Variants in SGCZ observed in about 807,000 individuals in gnomAD.
The protein encoded by SGCZ is zeta-sarcoglycan.
Under a neutral mutation model 41.3 loss-of-function variants are expected in SGCZ, and 40 were observed. The ratio of observed to expected loss-of-function variants is 0.97; its 90% confidence interval spans 0.75 to 1.26. The LOEUF (loss-of-function observed/expected upper bound fraction) is 1.26. Ranked by LOEUF, SGCZ falls within the 50% of genes most tolerant of loss-of-function variation. The pLI, the probability that SGCZ is intolerant of heterozygous loss-of-function variation, is 0.00. For synonymous variants in SGCZ, 206 were observed against 137.5 expected, an observed-to-expected ratio of 1.50 and a Z score of -3.49; for missense variants, 552 against 369.8, an observed-to-expected ratio of 1.49 and a Z score of -4.04.
intron 2 of SGCZ, among the ~76,000 whole-genome samples, chr8:14,536,222 G>T (rs934774498): frequency 6.6e-6 from 1 of 151,814 alleles, no homozygotes; most frequent in Non-Finnish European, 1.5e-5. Context: ...CAAGGATGCT[G>T]TGTCAAATAT....
At chr8:14,860,126 T>C (rs968106642) in intron 1 of SGCZ, among the ~76,000 whole-genome samples, 1 of 151,860 alleles carries the variant, frequency 6.6e-6, no homozygotes, top group African/African-American at 2.4e-5. Flanking sequence ...GTGGTACACA[T>C]ACAGAAATTA....
chr8:14,866,720 G>A (rs1029335313), intron 1 of SGCZ, among the ~76,000 whole-genome samples: 3 of 151,972 alleles, frequency 2.0e-5, no homozygotes, highest in Non-Finnish European at 4.4e-5. Flanking sequence ...TGAGGTGGGA[G>A]GATAGCCTGA....
At chr8:15,132,271 T>A (rs769182699) in intron 1 of SGCZ, among the ~76,000 whole-genome samples, 14 of 152,168 alleles carry the variant, frequency 9.2e-5, no homozygotes, top group Non-Finnish European at 4.4e-5. Flanking sequence ...ACCCGCAGCA[T>A]CATAATCTTT....
chr8:14,716,477 C>A (rs550437134), intron 1 of SGCZ, among the ~76,000 whole-genome samples: 20 of 151,954 alleles, frequency 1.3e-4, no homozygotes, highest in African/African-American at 4.6e-4. Context: ...TTTTGGGGGA[C>A]CTGCAAAACC....
chr8:14,653,505 G>T (rs892383277), intron 1 of SGCZ, among the ~76,000 whole-genome samples: 12 of 151,954 alleles, frequency 7.9e-5, no homozygotes, highest in Admixed American at 7.9e-4. Flanking sequence ...ATTCAGTAGC[G>T]CTGCATTACA....
rs536191677 is a variant in SGCZ at position 14,806,202 on chromosome 8, C to A, written c.40-251276G>T. The stretch of plus-strand genomic sequence containing the variant: ...AAGCAAGAGCAAACACATTCAAAAG[C>A]TAGCAGAAGGCAAGAAATAACTAAA... On this transcript the variant is annotated intron_variant, in intron 1 of 7. Transcript: ENST00000382080. Among the ~76,000 whole-genome samples, 5 of 151,892 alleles carry A rather than the reference C, an allele frequency of 3.3e-5. No individual in the cohort carries two copies. The East Asian group carries it at 9.7e-4, about 29-fold the overall frequency.
At chr8:14,743,678 C>G (rs940163721) in intron 1 of SGCZ, among the ~76,000 whole-genome samples, 2 of 151,906 alleles carry the variant, frequency 1.3e-5, no homozygotes, top group African/African-American at 2.4e-5. Flanking sequence ...TTTGCTCTCC[C>G]CCGCCCGACA....
At position 14,086,030 on chromosome 8, in the gene SGCZ, G is replaced by A. The variant is rs1481636528; in HGVS notation, c.*4413C>T. ...ATGATTATTTAAAATGAATACAAAT[G>A]CAAATTTCCTTTGTGATAATGATAT... On this transcript the variant is annotated 3_prime_UTR_variant, in exon 8 of 8. Transcript: ENST00000382080. Among the ~76,000 whole-genome samples, 3 of 151,620 alleles carry A rather than the reference G, an allele frequency of 2.0e-5. No homozygotes were observed. Among genetic ancestry groups the A allele is most frequent in the Non-Finnish European group, 4.4e-5 (3 of 67,738 alleles).
intron 1 of SGCZ, among the ~76,000 whole-genome samples, chr8:14,999,218 T>G (rs1359098057): frequency 1.3e-5 from 2 of 152,198 alleles, no homozygotes; most frequent in Non-Finnish European, 2.9e-5. Context: ...TTCTCTTAAG[T>G]GCAAAACATT....
intron 1 of SGCZ, among the ~76,000 whole-genome samples, chr8:15,176,999 T>A (rs921894657): frequency 1.3e-5 from 2 of 151,902 alleles, no homozygotes; most frequent in African/African-American, 4.8e-5. Flanking sequence ...AGACTTTGTT[T>A]CAAAAAAAAG....
At chr8:14,372,510 G>A (rs1458655967) in intron 2 of SGCZ, among the ~76,000 whole-genome samples, 1 of 152,062 alleles carries the variant, frequency 6.6e-6, no homozygotes, top group Non-Finnish European at 1.5e-5. Flanking sequence ...AAATTATATA[G>A]TATATGGGCT....
intron 1 of SGCZ, among the ~76,000 whole-genome samples, chr8:15,222,859 TACTC>T (rs1186142930): frequency 6.6e-6 from 1 of 152,034 alleles, no homozygotes; most frequent in African/African-American, 2.4e-5. Context: ...GAAGCAATAG[TACTC>T]ACTAACAATT....
In SGCZ at chr8:14,189,992, TCTA is replaced by T. The variant is rs1344511360; in HGVS notation, c.425-25293_425-25291del. Among the ~76,000 whole-genome samples, 12 of 148,256 alleles carry T rather than the reference TCTA, an allele frequency of 8.1e-5. No individual in the cohort carries two copies. The East Asian group carries it at 2.2e-3, about 28-fold the overall frequency. ...ATCCATGTTGTCAGAAATGGGAGAA[TCTA>T]CTTTTTCTTTCTTTCTTTCTTTTTT... is the stretch of plus-strand genomic sequence containing the variant. On this transcript the variant is annotated intron_variant, in intron 4 of 7. Transcript: ENST00000382080.
intron 1 of SGCZ, among the ~76,000 whole-genome samples, chr8:15,094,808 C>T (rs1004795742): frequency 6.6e-6 from 1 of 152,088 alleles, no homozygotes; most frequent in Non-Finnish European, 1.5e-5. Context: ...GGAGCTTTCC[C>T]CTTCGCTCTG....
intron 1 of SGCZ, among the ~76,000 whole-genome samples, chr8:15,212,986 T>A (rs1801283240): frequency 6.6e-6 from 1 of 151,978 alleles, no homozygotes; most frequent in African/African-American, 2.4e-5. Context: ...CTTAACATCA[T>A]AAAACAAAAT....
At chr8:14,318,914 G>T (rs1047827677) in intron 3 of SGCZ, among the ~76,000 whole-genome samples, 1 of 150,336 alleles carries the variant, frequency 6.7e-6, no homozygotes. Flanking sequence ...GTAGACCAAA[G>T]GAAAATTCTG....
chr8:15,091,096 C>A (rs1258816804), intron 1 of SGCZ, among the ~76,000 whole-genome samples: 1 of 152,184 alleles, frequency 6.6e-6, no homozygotes, highest in Non-Finnish European at 1.5e-5. Context: ...CACAGACATA[C>A]TTGAACTGGT....
At chr8:15,155,086 G>A (rs1799291005) in intron 1 of SGCZ, among the ~76,000 whole-genome samples, 1 of 152,108 alleles carries the variant, frequency 6.6e-6, no homozygotes, top group South Asian at 2.1e-4. Context: ...GAGCCCAGGA[G>A]TTCGAGACCA....
At chr8:14,392,776 T>A (rs1003313144) in intron 2 of SGCZ, among the ~76,000 whole-genome samples, 1 of 152,208 alleles carries the variant, frequency 6.6e-6, no homozygotes, top group African/African-American at 2.4e-5. Flanking sequence ...TAATTTTTCT[T>A]TGGCTAATAC....
Sources: gnomAD v4.1 joint callset for allele counts (sites outside exome capture counted in the v4.1 genomes callset) on GRCh38, gnomAD v4.1.1 for gene constraint, MANE v1.5 for transcripts, NCBI Gene and HGNC (gene_info 2026-07-23, HGNC 2026-07-21) for gene names.